Variants in LRRC9 observed in about 807,000 individuals in gnomAD.
LRRC9 encodes the protein leucine-rich repeat-containing protein 9.
LRRC9 carries 122 observed loss-of-function variants against 63.2 expected under a neutral mutation model. The ratio of observed to expected loss-of-function variants is 1.93; its 90% CI spans 1.67 to 2.24. The LOEUF is 2.24. Ranked by LOEUF, LRRC9 falls within the 30% of genes most tolerant of loss-of-function variation. The pLI, the probability that LRRC9 is intolerant of heterozygous loss-of-function variation, is 0.00. For missense variants in LRRC9, 1,071 were observed against 627.7 expected (o/e 1.71, Z -7.55); for synonymous variants, 366 against 213.1 (o/e 1.72, Z -6.25).
At chr14:60,023,367 G>T (rs971936223) in intron 27 of LRRC9, among the ~76,000 whole-genome samples, 1 of 151,828 alleles carries the variant, frequency 6.6e-6, no homozygotes, top group African/African-American at 2.4e-5. Context: ...TTAGCTCGTC[G>T]GCATGTATAG....
intron 17 of LRRC9, among the ~76,000 whole-genome samples, chr14:59,995,927 G>C (rs1888733892): frequency 6.6e-6 from 1 of 152,064 alleles, no homozygotes; most frequent in South Asian, 2.1e-4. Context: ...ATTTTTCGTA[G>C]AGATGGGGTT....
At chr14:60,012,048 G>T (rs921154380) in intron 23 of LRRC9, among the ~76,000 whole-genome samples, 12 of 152,114 alleles carry the variant, frequency 7.9e-5, no homozygotes, top group African/African-American at 2.9e-4. Flanking sequence ...AGAAAGTAAA[G>T]AAATCAAAGT....
intron 6 of LRRC9, among the ~76,000 whole-genome samples, chr14:59,933,792 C>T (rs766645385): frequency 4.6e-5 from 7 of 151,796 alleles, no homozygotes; most frequent in South Asian, 2.1e-4. Flanking sequence ...CATTCTAAGA[C>T]GGGGAAAACA....
chr14:59,971,639 C>A lies in LRRC9; in HGVS notation c.1507-2937C>A, dbSNP rs868307753. The stretch of plus-strand genomic sequence containing the variant: ...TTTAATCTTTTGCTCATAAGCAGCT[C>A]TCTCCTGGTCTTCTTTCCTGATTTC... On this transcript the variant is annotated intron_variant, in intron 12 of 31. Coordinates refer to ENST00000445360, the Ensembl canonical transcript of LRRC9. 2.6e-5 allele frequency among the ~76,000 whole-genome samples: 4 copies of A among 152,136 alleles called. No individual in the cohort carries two copies. In the South Asian group the frequency reaches 8.3e-4, roughly 32 times the overall value.
exon 9 of LRRC9, chr14:59,959,853 C>A: frequency 1.5e-6 from 1 of 667,264 alleles, no homozygotes. Flanking sequence ...AGGGCTCGGG[C>A]AAAGGGCACA....
At chr14:60,045,051 C>CTTTTTTTTTT (rs200934262) in intron 29 of LRRC9, among the ~76,000 whole-genome samples, 2 of 118,900 alleles carry the variant, frequency 1.7e-5, no homozygotes, top group East Asian at 2.4e-4. Flanking sequence ...CTTTCCTTGT[C>CTTTTTTTTTT]TTTTTTTTTT....
At chr14:60,014,898 AATATTAAATCTTTTTTATGGT>A (rs540166395) in intron 23 of LRRC9, among the ~76,000 whole-genome samples, 90 of 152,188 alleles carry the variant, frequency 5.9e-4, no homozygotes, top group Non-Finnish European at 1.1e-3. Flanking sequence ...CAGTGATACT[AATATTAAATCTTTTTTATGGT>A]TCCACAAATA....
intron 8 of LRRC9, among the ~76,000 whole-genome samples, chr14:59,945,503 T>C (rs1387373789): frequency 6.6e-6 from 1 of 151,798 alleles, no homozygotes; most frequent in Non-Finnish European, 1.5e-5. Context: ...ACATGAAAAA[T>C]TGAAGAATAA....
At chr14:59,929,182 G>A (rs547090497) in intron 3 of LRRC9, among the ~76,000 whole-genome samples, 34 of 152,054 alleles carry the variant, frequency 2.2e-4, no homozygotes, top group Admixed American at 9.2e-4. Context: ...TCTGACAAAG[G>A]TCTAATACCC....
chr14:59,929,717 A>C (rs1441213646), intron 3 of LRRC9, among the ~76,000 whole-genome samples: 1 of 152,184 alleles, frequency 6.6e-6, no homozygotes, highest in Non-Finnish European at 1.5e-5. Context: ...ACTGTGGTAC[A>C]TATACACCAT....
rs1890144332 is a variant in LRRC9, at chr14:59,936,410, C to G, written c.544-1980C>G. Among the ~76,000 whole-genome samples the G allele has an allele frequency of 6.6e-6, 1 of 152,082 alleles. No individual in the cohort carries two copies. The highest frequency in any genetic ancestry group is 6.6e-5 in the Admixed American group (1 of 15,256). On this transcript the variant is annotated intron_variant, in intron 6 of 31. Coordinates refer to ENST00000445360, the Ensembl canonical transcript of LRRC9. This position sits in a 1 kb window ranked among gnomAD's most constrained non-coding sequence, Gnocchi z 4.2. ...CCTCCTACCCTAAGAAGATAACTAT[C>G]TTATCATGGTGGTGATTGAATCAAT...
chr14:60,039,795 C>A (rs1027899860), intron 29 of LRRC9, among the ~76,000 whole-genome samples: 4 of 151,840 alleles, frequency 2.6e-5, no homozygotes, highest in Middle Eastern at 3.4e-3. Flanking sequence ...TTATTTCTTG[C>A]CTTCTGCTAG....
At chr14:60,049,264 A>G (rs928827901) in intron 29 of LRRC9, among the ~76,000 whole-genome samples, 1 of 152,134 alleles carries the variant, frequency 6.6e-6, no homozygotes, top group African/African-American at 2.4e-5. Context: ...GTTTAAGGTT[A>G]GTATTGTTAT....
Position 59,990,214 on chromosome 14 carries a change from G to A in LRRC9, c.2211+4990G>A, listed in dbSNP as rs540162456. Among the ~76,000 whole-genome samples the A allele has an allele frequency of 3.3e-5, 5 of 151,796 alleles. No individual in the cohort carries two copies. The highest frequency in any genetic ancestry group is 4.2e-4 in the South Asian group (2 of 4,786). ...AGTGCTGGGATTACAGGCATGAGCCGCTGTGCCCAGCCTAGATCTTCTTTT... is the reference window on the plus strand; with the variant it reads ...AGTGCTGGGATTACAGGCATGAGCCACTGTGCCCAGCCTAGATCTTCTTTT... On this transcript the variant is annotated intron_variant, in intron 17 of 31. Transcript: ENST00000445360. The surrounding 1 kb of genome is among the most constrained non-coding windows in gnomAD (Gnocchi z 4.2).
At position 59,991,828 on chromosome 14, in the gene LRRC9, G is replaced by A. The variant is rs572177876; in HGVS notation, c.2212-5828G>A. On this transcript the variant is annotated intron_variant, in intron 17 of 31. Coordinates refer to ENST00000445360, the Ensembl canonical transcript of LRRC9. ...AAAGCAGCCCAGAAGCTCGAACTGC[G>A]TGGAGCCCACCACAGCTCAAGGAGG... Among the ~76,000 whole-genome samples the A allele has an allele frequency of 3.6e-3, 549 of 152,296 alleles. 2 individuals carry two copies. Among genetic ancestry groups the A allele is most frequent in the Non-Finnish European group, 5.8e-3 (396 of 68,012 alleles).
rs1566911322 is a variant in LRRC9, at chr14:60,053,099, T to C, written c.4025T>C (p.Ile1342Thr). 2.9e-6 allele frequency: 2 copies of C among 701,464 alleles called. No individual in the cohort carries two copies. The highest frequency in any genetic ancestry group is 5.2e-6 in the Non-Finnish European group (2 of 384,134). The allele number at this position is 701,464 out of a possible 1,614,324, so 43.5% of individuals were successfully genotyped here. A position where few individuals can be genotyped will look rare whatever the true frequency, so the allele number is the denominator to read the frequency against. ...AAAATGCTACATCGCCACATGCTTA[T>C]ATTTCGACTGCCTAACTTACAGATG... The change falls in exon 30 of 32, where the codon ATA becomes ACA. Residue 1342 changes from isoleucine to threonine, a missense_variant. By Grantham distance (89) the Ile-to-Thr change is moderately conservative (BLOSUM62 -1). Transcript: ENST00000445360. This position sits in a 1 kb window ranked among gnomAD's most constrained non-coding sequence, Gnocchi z 4.8.
chr14:59,935,756 C>T (rs1468344839), intron 6 of LRRC9, among the ~76,000 whole-genome samples: 1 of 152,158 alleles, frequency 6.6e-6, no homozygotes, highest in Non-Finnish European at 1.5e-5. Flanking sequence ...AAAGACCCTT[C>T]CAGGCAAAAG....
intron 23 of LRRC9, 50 bp from the exon 24 acceptor site, chr14:60,016,610 A>G (rs1273978179): frequency 1.5e-6 from 1 of 646,834 alleles, no homozygotes; most frequent in Non-Finnish European, 2.9e-6. Flanking sequence ...GAACTATGTA[A>G]TTTAGTCATC....
chr14:59,956,508 C>T (rs1883769779), intron 8 of LRRC9, among the ~76,000 whole-genome samples: 1 of 152,108 alleles, frequency 6.6e-6, no homozygotes, highest in Non-Finnish European at 1.5e-5. Context: ...TCCTCCATCC[C>T]TTTATTTTGA....
Sources: allele counts gnomAD v4.1 joint callset (sites outside exome capture counted in the v4.1 genomes callset), GRCh38; gene constraint gnomAD v4.1.1; non-coding constraint Gnocchi (gnomAD v3.1); transcripts MANE v1.5; gene names NCBI Gene and HGNC (gene_info 2026-07-23, HGNC 2026-07-21).